Variants in AUTS2 observed in about 807,000 individuals in gnomAD.
AUTS2 encodes activator of transcription and developmental regulator AUTS2, also known as autism susceptibility gene 2 protein.
In AUTS2, 17 loss-of-function variants were observed where a neutral mutation model predicts 112.4. The ratio of observed to expected loss-of-function variants is 0.15; its 90% CI spans 0.10 to 0.23. AUTS2 has a LOEUF of 0.23. Among genes scored for constraint, AUTS2 ranks in the 10% least tolerant of loss-of-function variants. The probability of loss-of-function intolerance (pLI) is 1.00; values close to 1 mark genes in which losing one functional copy is unlikely to be tolerated. For synonymous variants in AUTS2, 751 were observed against 702.7 expected (o/e 1.07, Z -1.09); for missense variants, 1,510 against 1,701.6 (o/e 0.89, Z 1.98).
chr7:69,857,034 T>C (rs1383972139), intron 1 of AUTS2, among the ~76,000 whole-genome samples: 1 of 152,224 alleles, frequency 6.6e-6, no homozygotes, highest in Non-Finnish European at 1.5e-5. Context: ...TATTTTCCCC[T>C]GTTAAATCAG....
intron 4 of AUTS2, among the ~76,000 whole-genome samples, chr7:70,263,108 A>G (rs1158751876): frequency 6.6e-6 from 1 of 151,758 alleles, no homozygotes; most frequent in Admixed American, 6.6e-5. Context: ...ATACTCAGCT[A>G]TATTCTTCCA....
chr7:70,007,139 A>G (rs1165214839), intron 2 of AUTS2, among the ~76,000 whole-genome samples: 1 of 152,204 alleles, frequency 6.6e-6, no homozygotes, highest in Non-Finnish European at 1.5e-5. Flanking sequence ...AATGCAGAAA[A>G]TGCCGTATGC....
At chr7:70,636,209 T>C (rs983341969) in intron 5 of AUTS2, among the ~76,000 whole-genome samples, 2 of 152,162 alleles carry the variant, frequency 1.3e-5, no homozygotes, top group Admixed American at 6.5e-5. Flanking sequence ...AGGTGTGAGA[T>C]GGTGGCTTCA....
At chr7:70,370,306 C>T (rs1321862226) in intron 4 of AUTS2, among the ~76,000 whole-genome samples, 2 of 152,140 alleles carry the variant, frequency 1.3e-5, no homozygotes, top group Admixed American at 6.5e-5. Flanking sequence ...CCTGCACTCC[C>T]TATCCATACC....
chr7:69,961,918 A>G (rs1797446015), intron 2 of AUTS2, among the ~76,000 whole-genome samples: 1 of 152,174 alleles, frequency 6.6e-6, no homozygotes, highest in South Asian at 2.1e-4. Flanking sequence ...CTAAGTATCA[A>G]GGAGCACCTC....
chr7:70,081,435 C>A (rs190986961), intron 2 of AUTS2, among the ~76,000 whole-genome samples: 1 of 150,756 alleles, frequency 6.6e-6, no homozygotes, highest in Admixed American at 6.6e-5. Context: ...GTGGTGGGTG[C>A]CTGTAATCCC....
chr7:69,936,323 C>T (rs1204187867), intron 2 of AUTS2, among the ~76,000 whole-genome samples: 1 of 152,060 alleles, frequency 6.6e-6, no homozygotes, highest in African/African-American at 2.4e-5. Flanking sequence ...ACCATCTGCC[C>T]ATTGGGACCT....
chr7:70,623,821 C>T (rs1026172497), intron 5 of AUTS2, among the ~76,000 whole-genome samples: 9 of 152,222 alleles, frequency 5.9e-5, no homozygotes, highest in Non-Finnish European at 1.5e-5. Context: ...TTCTGGCCCT[C>T]CAAAATATGG....
At chr7:69,967,255 G>A (rs1422616647) in intron 2 of AUTS2, among the ~76,000 whole-genome samples, 2 of 152,116 alleles carry the variant, frequency 1.3e-5, no homozygotes, top group Non-Finnish European at 2.9e-5. Context: ...GGGGAGTGCT[G>A]GAATTCATTA....
chr7:70,420,136 C>T (rs1717034044), intron 4 of AUTS2, among the ~76,000 whole-genome samples: 1 of 152,180 alleles, frequency 6.6e-6, no homozygotes, highest in Non-Finnish European at 1.5e-5. Context: ...TGTTCTCTAC[C>T]TTTGTATTTG....
intron 5 of AUTS2, among the ~76,000 whole-genome samples, chr7:70,482,238 G>A (rs1253001084): frequency 1.4e-4 from 22 of 152,110 alleles, no homozygotes; most frequent in African/African-American, 4.1e-4. Flanking sequence ...GATTTACTGC[G>A]ACCATTTGTC....
At chr7:70,255,742 A>G (rs1208170037) in intron 4 of AUTS2, among the ~76,000 whole-genome samples, 2 of 152,036 alleles carry the variant, frequency 1.3e-5, no homozygotes, top group East Asian at 3.9e-4. Flanking sequence ...ATAGAAAGAG[A>G]TAGAACTTTT....
chr7:70,423,654 C>T (rs1795313510), intron 4 of AUTS2, among the ~76,000 whole-genome samples: 1 of 152,100 alleles, frequency 6.6e-6, no homozygotes, highest in South Asian at 2.1e-4. Flanking sequence ...TCATCAAGAA[C>T]CTAAAGAAAC....
intron 1 of AUTS2, among the ~76,000 whole-genome samples, chr7:69,823,060 G>C (rs1366193321): frequency 6.6e-6 from 1 of 152,172 alleles, no homozygotes; most frequent in Non-Finnish European, 1.5e-5. Flanking sequence ...TTGCATTTTT[G>C]TCTCCACTTC....
At chr7:70,754,361 T>G (rs1467133250) in intron 6 of AUTS2, among the ~76,000 whole-genome samples, 3 of 152,052 alleles carry the variant, frequency 2.0e-5, no homozygotes, top group African/African-American at 7.2e-5. Flanking sequence ...TGGTGGCACA[T>G]GCCTCAGCCT....
At chr7:70,097,070 G>A (rs1804244199) in intron 2 of AUTS2, among the ~76,000 whole-genome samples, 1 of 152,180 alleles carries the variant, frequency 6.6e-6, no homozygotes, top group African/African-American at 2.4e-5. Context: ...TGGCCAAGAG[G>A]TTCATGCATT....
chr7:70,579,201 T>C (rs1001224456), intron 5 of AUTS2, among the ~76,000 whole-genome samples: 2 of 128,592 alleles, frequency 1.6e-5, no homozygotes, highest in African/African-American at 5.9e-5. Context: ...AGTGTTGAGG[T>C]TGCAGGCATG....
chr7:70,088,799 A>T (rs1056268329), intron 2 of AUTS2, among the ~76,000 whole-genome samples: 1 of 152,028 alleles, frequency 6.6e-6, no homozygotes, highest in African/African-American at 2.4e-5. Context: ...TTTTTAGTAG[A>T]GACGGGGTTT....
intron 2 of AUTS2, among the ~76,000 whole-genome samples, chr7:70,050,184 A>G (rs953909375): frequency 6.6e-6 from 1 of 151,362 alleles, no homozygotes; most frequent in East Asian, 2.0e-4. Flanking sequence ...TGGTGAAACC[A>G]TGTCTCTACT....
Sources: gnomAD v4.1 joint callset for allele counts (sites outside exome capture counted in the v4.1 genomes callset) on GRCh38, gnomAD v4.1.1 for gene constraint, MANE v1.5 for transcripts, NCBI Gene and HGNC (gene_info 2026-07-23, HGNC 2026-07-21) for gene names.